NTRK3: variants seen among roughly 807,000 people sequenced by gnomAD.
NTRK3 encodes the protein NT-3 growth factor receptor.
Under a neutral mutation model 91.7 loss-of-function variants are expected in NTRK3, and 24 were observed. That is an observed-to-expected ratio of 0.26 (90% CI 0.19 to 0.37). The LOEUF (loss-of-function observed/expected upper bound fraction) is 0.37, where lower values mean the gene tolerates loss of function less well. NTRK3 is among the 10% of genes least tolerant of loss of function. The pLI is 1.00. For synonymous variants in NTRK3, 483 were observed against 404.0 expected (o/e 1.20, Z -2.34); for missense variants, 880 against 1,068.9 (o/e 0.82, Z 2.46).
At chr15:87,916,117 C>T (rs2067430516) in intron 17 of NTRK3, 11 of 230,180 alleles carry the variant, frequency 4.8e-5, no homozygotes, top group East Asian at 4.4e-4. Flanking sequence ...CTCCTCCTTC[C>T]GTTTAGACAC....
chr15:88,053,824 T>C (rs72756160), intron 13 of NTRK3, among the ~76,000 whole-genome samples: 85 of 152,368 alleles, frequency 5.6e-4, no homozygotes, highest in Non-Finnish European at 6.6e-4. Context: ...AAATACCTTA[T>C]CAAAATGAAA....
At chr15:88,086,792 C>T (rs1472948958) in intron 13 of NTRK3, among the ~76,000 whole-genome samples, 3 of 152,206 alleles carry the variant, frequency 2.0e-5, no homozygotes, top group Non-Finnish European at 4.4e-5. Context: ...GGGATCCTCT[C>T]CTAGCCTGGG....
In NTRK3 at chr15:87,900,690, GGTGTGTGTGTGTGT is replaced by G. The variant is rs61498493; in HGVS notation, c.2134-20276_2134-20263del. 5.1e-5 allele frequency among the ~76,000 whole-genome samples: 7 copies of G among 138,240 alleles called. No homozygotes were observed. In the East Asian group the frequency reaches 1.1e-3, roughly 21 times the overall value. The allele number at this position is 138,240 out of a possible 152,430, so 90.7% of individuals were successfully genotyped here. A position where few individuals can be genotyped will look rare whatever the true frequency, so the allele number is the denominator to read the frequency against. On this transcript the variant is annotated intron_variant, in intron 17 of 18. Transcript: ENST00000394480. ...GCATCAGCAGCCTGACTTTACAGAG[GGTGTGTGTGTGTGT>G]GTGTGTGTGTGTGTGTGTGTGTGTG...
chr15:87,938,139 T>C (rs1428833862), intron 15 of NTRK3, among the ~76,000 whole-genome samples: 7 of 152,216 alleles, frequency 4.6e-5, no homozygotes, highest in East Asian at 1.9e-4. Context: ...GTCACACTTA[T>C]ACTACACATA....
intron 13 of NTRK3, among the ~76,000 whole-genome samples, chr15:88,085,633 G>A (rs1418207955): frequency 6.6e-6 from 1 of 151,430 alleles, no homozygotes; most frequent in Non-Finnish European, 1.5e-5. Flanking sequence ...AGTGGGGGGT[G>A]GTTTGTTACC....
intron 14 of NTRK3, among the ~76,000 whole-genome samples, chr15:88,022,946 C>A (rs1206473121): frequency 6.6e-6 from 1 of 152,102 alleles, no homozygotes; most frequent in East Asian, 1.9e-4. Flanking sequence ...TGGTCTCGGC[C>A]CAGGGAGATG....
At chr15:87,955,392 T>C (rs554856136) in intron 14 of NTRK3, among the ~76,000 whole-genome samples, 1 of 152,330 alleles carries the variant, frequency 6.6e-6, no homozygotes, top group African/African-American at 2.4e-5. Context: ...TTACAGAGGC[T>C]GTTTGTTATC....
chr15:87,986,403 T>A (rs1252888667), intron 14 of NTRK3, among the ~76,000 whole-genome samples: 1 of 152,240 alleles, frequency 6.6e-6, no homozygotes, highest in Admixed American at 6.5e-5. Context: ...TGAGAACCCA[T>A]GTGAGTTCAC....
intron 13 of NTRK3, among the ~76,000 whole-genome samples, chr15:88,122,882 C>G (rs552018657): frequency 2.0e-5 from 3 of 152,310 alleles, no homozygotes; most frequent in African/African-American, 7.2e-5. Context: ...CTAAATTCAA[C>G]AAGCAATTGT....
At chr15:88,201,964 C>T (rs2048338143) in intron 3 of NTRK3, among the ~76,000 whole-genome samples, 1 of 152,072 alleles carries the variant, frequency 6.6e-6, no homozygotes, top group African/African-American at 2.4e-5. Context: ...TTTCCTCCCT[C>T]ATTTCTTTGT....
chr15:87,933,310 T>C, intron 15 of NTRK3, 126 bp from the exon 16 acceptor site: 1 of 908,602 alleles, frequency 1.1e-6, no homozygotes, highest in Non-Finnish European at 1.7e-6. Context: ...AAATGGAATT[T>C]AAAGACAATG....
intron 3 of NTRK3, among the ~76,000 whole-genome samples, chr15:88,252,180 C>G (rs951715688): frequency 1.3e-5 from 2 of 152,176 alleles, no homozygotes; most frequent in African/African-American, 2.4e-5. Flanking sequence ...AGACCTAGTC[C>G]TAATCCTGGG....
chr15:88,087,469 A>G (rs975138861), intron 13 of NTRK3, among the ~76,000 whole-genome samples: 1 of 152,170 alleles, frequency 6.6e-6, no homozygotes, highest in Non-Finnish European at 1.5e-5. Flanking sequence ...AGCCTCATGA[A>G]TTCCGGTCCT....
chr15:87,884,556 C>T (rs977238700), intron 17 of NTRK3, among the ~76,000 whole-genome samples: 2 of 151,626 alleles, frequency 1.3e-5, no homozygotes, highest in African/African-American at 4.8e-5. Flanking sequence ...ACATAGTTAT[C>T]TATATGTGTG....
intron 3 of NTRK3, chr15:88,253,220 T>C (rs1321734670): frequency 6.6e-6 from 1 of 152,152 alleles, no homozygotes; most frequent in Non-Finnish European, 1.5e-5. Context: ...CTTGATAACA[T>C]CAGAAATCTG....
At chr15:88,197,116 A>AC (rs2047902128) in intron 3 of NTRK3, among the ~76,000 whole-genome samples, 3 of 129,870 alleles carry the variant, frequency 2.3e-5, no homozygotes, top group Non-Finnish European at 3.1e-5. Flanking sequence ...AAAAAAAAAA[A>AC]AAAAAAAAAA....
At chr15:88,089,394 A>G (rs2048803083) in intron 13 of NTRK3, among the ~76,000 whole-genome samples, 1 of 152,240 alleles carries the variant, frequency 6.6e-6, no homozygotes, top group South Asian at 2.1e-4. Flanking sequence ...TTTATGCACA[A>G]TGACATCCAT....
At chr15:88,012,982 G>A (rs1451442910) in intron 14 of NTRK3, among the ~76,000 whole-genome samples, 1 of 152,154 alleles carries the variant, frequency 6.6e-6, no homozygotes, top group African/African-American at 2.4e-5. Flanking sequence ...AAGAACAACG[G>A]TCTTCTGAAA....
At chr15:87,938,629 C>T (rs991932244) in intron 15 of NTRK3, among the ~76,000 whole-genome samples, 7 of 152,174 alleles carry the variant, frequency 4.6e-5, no homozygotes, top group African/African-American at 1.4e-4. Context: ...CCAGACCACT[C>T]GGGGAAACAT....
Sources: gnomAD v4.1 joint callset for allele counts (sites outside exome capture counted in the v4.1 genomes callset) on GRCh38, gnomAD v4.1.1 for gene constraint, MANE v1.5 for transcripts, NCBI Gene and HGNC (gene_info 2026-07-23, HGNC 2026-07-21) for gene names.